Variants in SPPL2A observed in about 807,000 individuals in gnomAD.
SPPL2A encodes signal peptide peptidase-like 2A.
Under a neutral mutation model 63.8 loss-of-function variants are expected in SPPL2A, and 51 were observed. That is an observed-to-expected ratio of 0.80 (90% CI 0.64 to 1.01). SPPL2A has a LOEUF of 1.01. Among genes scored for constraint, SPPL2A ranks in the 50% least tolerant of loss-of-function variants. SPPL2A has a pLI of 0.00. For missense variants in SPPL2A, 553 were observed against 622.7 expected (o/e 0.89, Z 1.19); for synonymous variants, 188 against 205.8 (o/e 0.91, Z 0.74).
Position 50,725,342 on chromosome 15 carries a change from AAAC to A in SPPL2A, c.1147-22_1147-20del. 8.1e-7 allele frequency: 1 copy of A among 1,231,958 alleles called. No homozygotes were observed. The highest frequency in any genetic ancestry group is 1.2e-6 in the Non-Finnish European group (1 of 857,236). The allele number at this position is 1,231,958 out of a possible 1,614,324, so 76.3% of individuals were successfully genotyped here. A position where few individuals can be genotyped will look rare whatever the true frequency, so the allele number is the denominator to read the frequency against. On this transcript the variant is annotated intron_variant, in intron 11 of 14. Transcript: ENST00000261854. Reference sequence around the variant, plus strand: ...CTGGCAACTGTTCAAAAACAAAACAAAACAAAACAAAACAAAACAAAAAACAAA... The same window carrying A: ...CTGGCAACTGTTCAAAAACAAAACAAAAAACAAAACAAAACAAAAAACAAA...
chr15:50,762,823 C>A (rs1197887113), intron 1 of SPPL2A, among the ~76,000 whole-genome samples: 1 of 151,178 alleles, frequency 6.6e-6, no homozygotes, highest in Non-Finnish European at 1.5e-5. Context: ...ACCTCTGCCT[C>A]CCGGGTTCAA....
intron 14 of SPPL2A, among the ~76,000 whole-genome samples, chr15:50,716,804 T>C (rs1471509022): frequency 6.6e-6 from 1 of 152,234 alleles, no homozygotes; most frequent in Non-Finnish European, 1.5e-5. Context: ...CTTCTGCCTC[T>C]ACATTCTCAA....
At position 50,748,687 on chromosome 15, in the gene SPPL2A, C is replaced by T; in HGVS notation, c.360+1G>A. On this transcript the variant is annotated splice_donor_variant, in intron 3 of 14. Coordinates refer to ENST00000261854, the MANE Select transcript of SPPL2A (RefSeq NM_032802.4). LOFTEE classifies it high-confidence loss of function. ...AAGATATGATTGTTTTTATAACTTA[C>T]TAGGACACTGTTATTGACAACTAAC... 6.4e-7 allele frequency: 1 copy of T among 1,570,342 alleles called. No individual in the cohort carries two copies. Among genetic ancestry groups the T allele is most frequent in the Non-Finnish European group, 8.6e-7 (1 of 1,159,898 alleles).
At chr15:50,712,217 A>T (rs7177510) in intron 14 of SPPL2A, among the ~76,000 whole-genome samples, 71 of 152,366 alleles carry the variant, frequency 4.7e-4, no homozygotes, top group African/African-American at 1.6e-3. Flanking sequence ...ACTGCAGGGC[A>T]GATGTTAGTA....
At position 50,736,715 on chromosome 15, in the gene SPPL2A, G is replaced by A. The variant is rs776071955; in HGVS notation, c.759C>T (p.Cys253=). The A allele has an allele frequency of 2.0e-5, 32 of 1,603,904 alleles. No homozygotes were observed. Among genetic ancestry groups the A allele is most frequent in the Admixed American group, 3.3e-5 (2 of 59,772 alleles). Residue 253 remains cysteine, a synonymous_variant, in exon 7 of 15, where the codon TGC becomes TGT. Coordinates refer to ENST00000261854, the MANE Select transcript of SPPL2A (RefSeq NM_032802.4). ...TGTACAGACTCATTGCTGATGCTAT[G>A]CAGAAAATTGCTATCATAACATAAA... is the stretch of plus-strand genomic sequence containing the variant. ...WLVYVMIAIF[C]IASAMSLYNC...
intron 1 of SPPL2A, among the ~76,000 whole-genome samples, chr15:50,757,681 G>T (rs1485514245): frequency 6.6e-6 from 1 of 152,114 alleles, no homozygotes; most frequent in Admixed American, 6.5e-5. Flanking sequence ...GCCTGTTATG[G>T]TATTCTGGGA....
At chr15:50,756,621 C>G (rs1178601240) in intron 1 of SPPL2A, among the ~76,000 whole-genome samples, 2 of 151,986 alleles carry the variant, frequency 1.3e-5, no homozygotes, top group African/African-American at 4.8e-5. Flanking sequence ...CATGGTGGCT[C>G]ATACCTGGAA....
chr15:50,751,734 T>C (rs768293861), intron 1 of SPPL2A, among the ~76,000 whole-genome samples: 1 of 152,194 alleles, frequency 6.6e-6, no homozygotes, highest in Non-Finnish European at 1.5e-5. Context: ...AAATTTAATT[T>C]CCCATATCAT....
intron 12 of SPPL2A, among the ~76,000 whole-genome samples, chr15:50,724,490 A>G (rs904563829): frequency 6.6e-6 from 1 of 152,072 alleles, no homozygotes. Context: ...AGGCAGGAGA[A>G]TGGCGTGAAC....
intron 14 of SPPL2A, among the ~76,000 whole-genome samples, chr15:50,715,508 C>A (rs1289762520): frequency 6.8e-6 from 1 of 147,156 alleles, no homozygotes; most frequent in African/African-American, 2.5e-5. Context: ...ATGTATACAA[C>A]AACTCTAAAT....
chr15:50,748,840 T>C lies in SPPL2A; in HGVS notation c.208A>G (p.Thr70Ala), dbSNP rs750011761. Reference sequence around the variant, plus strand: ...ATATCAGAAAGGTTGCATAGTGGTGTGGAAGTCAGATTCATCAAACTAATG... The same window carrying C: ...ATATCAGAAAGGTTGCATAGTGGTGCGGAAGTCAGATTCATCAAACTAATG... Reference protein sequence around the residue: ...TSISLMNLTSTPLCNLSDIPP... With the variant: ...TSISLMNLTSAPLCNLSDIPP... Residue 70 changes from threonine to alanine, a missense_variant, in exon 3 of 15, where the codon ACA becomes GCA. Physicochemically the swap from Thr to Ala is moderately conservative, Grantham distance 58. Transcript: ENST00000261854. 2.1e-5 allele frequency: 34 copies of C among 1,593,856 alleles called. No individual in the cohort carries two copies. Among genetic ancestry groups the C allele is most frequent in the Non-Finnish European group, 2.7e-5 (32 of 1,173,124 alleles).
At chr15:50,720,639 C>T (rs1041178959) in intron 13 of SPPL2A, among the ~76,000 whole-genome samples, 23 of 151,554 alleles carry the variant, frequency 1.5e-4, no homozygotes, top group Admixed American at 1.2e-3. Flanking sequence ...CCTGCCTCAG[C>T]GTCCCAAGTA....
In SPPL2A at chr15:50,762,795, C is replaced by T. The variant is rs897692207; in HGVS notation, c.66+2673G>A. Among the ~76,000 whole-genome samples the T allele has an allele frequency of 4.7e-5, 7 of 150,018 alleles. No homozygotes were observed. In the East Asian group the frequency reaches 7.9e-4, roughly 17 times the overall value. Reference sequence around the variant, plus strand: ...TCACACAGGCTGGAGTGCAGTGGCACGATCTTGGCTTACTGCAACCTCTGC... The same window carrying T: ...TCACACAGGCTGGAGTGCAGTGGCATGATCTTGGCTTACTGCAACCTCTGC... On this transcript the variant is annotated intron_variant, in intron 1 of 14. Transcript: ENST00000261854.
At chr15:50,742,311 A>G (rs2062827916) in intron 5 of SPPL2A, among the ~76,000 whole-genome samples, 1 of 151,514 alleles carries the variant, frequency 6.6e-6, no homozygotes. Flanking sequence ...AATTGCTTGA[A>G]CCCAGGAGGC....
chr15:50,753,747 G>A (rs2062929150), intron 1 of SPPL2A, among the ~76,000 whole-genome samples: 1 of 152,132 alleles, frequency 6.6e-6, no homozygotes, highest in South Asian at 2.1e-4. Context: ...GGGTCCTGGT[G>A]GGATGTGGAG....
At position 50,703,454 on chromosome 15, in the gene SPPL2A, C is replaced by T. The variant is rs1188542084; in HGVS notation, c.*4346G>A. The T allele has an allele frequency of 6.8e-6, 1 of 147,138 alleles. No individual in the cohort carries two copies. The highest frequency in any genetic ancestry group is 1.5e-5 in the Non-Finnish European group (1 of 67,254). 9.1% of individuals were successfully genotyped at this position (147,138 alleles called of 1,614,324 possible). A position where few individuals can be genotyped will look rare whatever the true frequency, so the allele number is the denominator to read the frequency against. On this transcript the variant is annotated 3_prime_UTR_variant, in exon 15 of 15. Transcript: ENST00000261854. ...CTCGACTCACTGCAACCTCCACCTC[C>T]CAGGTTCAAGCGATTCTCCTGCCTC...
In SPPL2A at chr15:50,719,981, G is replaced by A. The variant is rs748291215; in HGVS notation, c.1447C>T (p.Arg483Cys). The A allele has an allele frequency of 3.0e-5, 48 of 1,613,186 alleles. No homozygotes were observed. The highest frequency in any genetic ancestry group is 1.6e-4 in the Middle Eastern group (1 of 6,080). Residue 483 changes from arginine to cysteine, a missense_variant, in exon 14 of 15, where the codon CGT (arginine) becomes TGT (cysteine). Transcript: ENST00000261854. ...LITASVVAWRRKEMKKFWKGN... is the reference protein window; with the variant it reads ...LITASVVAWRCKEMKKFWKGN... ...TTCCAGAACTTTTTCATTTCCTTAC[G>A]TCTCCAGGCAACAACTGAGGCAGTA...
At chr15:50,712,527 A>G (rs2062566685) in intron 14 of SPPL2A, among the ~76,000 whole-genome samples, 1 of 152,056 alleles carries the variant, frequency 6.6e-6, no homozygotes, top group African/African-American at 2.4e-5. Flanking sequence ...CCAGGCATGT[A>G]AAAGCTCCCC....
chr15:50,735,416 A>G (rs2062762252), intron 8 of SPPL2A, among the ~76,000 whole-genome samples: 1 of 151,990 alleles, frequency 6.6e-6, no homozygotes, highest in South Asian at 2.1e-4. Context: ...AACTCCCTGC[A>G]TATCAATTCA....
Sources: gnomAD v4.1 joint callset for allele counts (sites outside exome capture counted in the v4.1 genomes callset) on GRCh38, gnomAD v4.1.1 for gene constraint, MANE v1.5 for transcripts, NCBI Gene and HGNC (gene_info 2026-07-23, HGNC 2026-07-21) for gene names.